Variants in COL22A1 observed in about 807,000 individuals in gnomAD.
COL22A1 encodes the protein collagen alpha-1(XXII) chain.
A neutral mutation model predicts 248.9 loss-of-function variants in COL22A1; 221 were observed. The observed-to-expected ratio is 0.89, with a 90% CI of 0.80 to 0.99. COL22A1 has a LOEUF of 0.99. Among genes scored for constraint, COL22A1 ranks in the 50% least tolerant of loss-of-function variants. The pLI is 0.00. For synonymous variants in COL22A1, 891 were observed against 793.4 expected (o/e 1.12, Z -2.07); for missense variants, 2,240 against 2,179.0 (o/e 1.03, Z -0.56).
chr8:138,765,265 C>A (rs554889591), intron 16 of COL22A1, among the ~76,000 whole-genome samples: 1 of 152,086 alleles, frequency 6.6e-6, no homozygotes, highest in African/African-American at 2.4e-5. Context: ...GAGCAGAGTC[C>A]CTGGAGGGAC....
chr8:138,605,364 C>A (rs973408571), intron 58 of COL22A1, among the ~76,000 whole-genome samples: 1 of 152,208 alleles, frequency 6.6e-6, no homozygotes, highest in Non-Finnish European at 1.5e-5. Flanking sequence ...CTTATCATGA[C>A]TCAGGAGCAA....
chr8:138,878,132 C>T lies in COL22A1; in HGVS notation c.276G>A (p.Leu92=). ...CCTCCTCCTGCGAGCCAAAGAGTCC[C>T]AACTCGAAGGCCGTGGTGGGCCGGT... The part of the protein sequence containing the change: ...YSDRPTTAFE[L]GLFGSQEEVK... Residue 92 remains leucine, a synonymous_variant, in exon 3 of 65, where the codon TTG becomes TTA. Transcript: ENST00000303045. 4 of 1,606,112 alleles carry T rather than the reference C, an allele frequency of 2.5e-6. No homozygotes were observed. The highest frequency in any genetic ancestry group is 2.5e-6 in the Non-Finnish European group (3 of 1,177,054).
At chr8:138,828,321 C>T (rs1215621774) in intron 5 of COL22A1, among the ~76,000 whole-genome samples, 3 of 151,974 alleles carry the variant, frequency 2.0e-5, no homozygotes, top group Admixed American at 6.6e-5. Flanking sequence ...CCTCCCTGGC[C>T]CCCACCCACT....
At chr8:138,698,583 C>T (rs1241922323) in intron 32 of COL22A1, among the ~76,000 whole-genome samples, 2 of 151,874 alleles carry the variant, frequency 1.3e-5, no homozygotes, top group East Asian at 1.9e-4. Context: ...ATGCAGTGAG[C>T]GACAGCCCTA....
intron 62 of COL22A1, among the ~76,000 whole-genome samples, chr8:138,594,959 C>A (rs1206780697): frequency 6.6e-6 from 1 of 152,174 alleles, no homozygotes; most frequent in Non-Finnish European, 1.5e-5. Context: ...ACCCAGAGGT[C>A]CAGTGCTGGT....
intron 32 of COL22A1, 72 bp from the exon 33 acceptor site, chr8:138,694,951 A>G (rs111826535): frequency 6.8e-7 from 1 of 1,466,630 alleles, no homozygotes. Context: ...ACATGTCCCC[A>G]GCTCCGGACA....
intron 2 of COL22A1, among the ~76,000 whole-genome samples, chr8:138,879,674 G>C (rs188527516): frequency 1.9e-3 from 227 of 116,870 alleles, no homozygotes; most frequent in African/African-American, 7.2e-3. Flanking sequence ...CTGGGTGACA[G>C]AGTGAGACAC....
At chr8:138,828,067 T>C (rs182473603) in intron 5 of COL22A1, 47 of 151,914 alleles carry the variant, frequency 3.1e-4, no homozygotes, top group Admixed American at 1.9e-3. Context: ...TCCCCATGTT[T>C]TCCTCGTGAG....
chr8:138,753,791 G>A (rs192858221), intron 21 of COL22A1, among the ~76,000 whole-genome samples: 154 of 152,264 alleles, frequency 1.0e-3, no homozygotes, highest in Non-Finnish European at 1.8e-3. Flanking sequence ...CAAAATCTAG[G>A]TAAAGGGTGA....
chr8:138,782,212 T>C (rs1815076231), intron 12 of COL22A1, among the ~76,000 whole-genome samples: 1 of 152,214 alleles, frequency 6.6e-6, no homozygotes, highest in African/African-American at 2.4e-5. Flanking sequence ...GCTGTAGACC[T>C]TCCTGGCTGT....
chr8:138,702,613 GAA>G (rs35091276), intron 31 of COL22A1, among the ~76,000 whole-genome samples: 1 of 141,636 alleles, frequency 7.1e-6, no homozygotes, highest in African/African-American at 2.6e-5. Context: ...CATTAAAGTG[GAA>G]AAAAAAAAAA....
At chr8:138,700,987 T>TC (rs1827917628) in intron 31 of COL22A1, among the ~76,000 whole-genome samples, 2 of 12,654 alleles carry the variant, frequency 1.6e-4, no homozygotes, top group Admixed American at 1.3e-3. Flanking sequence ...AGACTCCGTC[T>TC]CAAAAAAAAA....
At chr8:138,844,051 A>G (rs1017228233) in intron 4 of COL22A1, 33 bp downstream of exon 4, 1 of 1,595,818 alleles carries the variant, frequency 6.3e-7, no homozygotes, top group African/African-American at 1.3e-5. Flanking sequence ...CATACACCAA[A>G]GCAAGCACAC....
chr8:138,625,850 T>G (rs1002465222), intron 51 of COL22A1, among the ~76,000 whole-genome samples: 1 of 152,066 alleles, frequency 6.6e-6, no homozygotes, highest in Non-Finnish European at 1.5e-5. Context: ...ATTAACACAG[T>G]TATATATATA....
intron 45 of COL22A1, among the ~76,000 whole-genome samples, chr8:138,654,522 C>T (rs1399544819): frequency 3.3e-5 from 5 of 152,022 alleles, no homozygotes; most frequent in Non-Finnish European, 7.4e-5. Context: ...CTGAAATCAC[C>T]CAGTGTCTTT....
At chr8:138,809,516 T>TTTTTAA (rs149420787) in intron 9 of COL22A1, among the ~76,000 whole-genome samples, 1 of 78,782 alleles carries the variant, frequency 1.3e-5, no homozygotes, top group Non-Finnish European at 3.0e-5. Context: ...CTTCTTCTCT[T>TTTTTAA]TTTTTCTTTT....
intron 18 of COL22A1, among the ~76,000 whole-genome samples, chr8:138,758,919 G>A (rs1055161565): frequency 7.9e-5 from 12 of 152,152 alleles, no homozygotes; most frequent in African/African-American, 1.2e-4. Flanking sequence ...ACACATAGGC[G>A]GCAGCAAGAA....
At chr8:138,859,581 CAG>C (rs1383139352) in intron 3 of COL22A1, among the ~76,000 whole-genome samples, 1 of 152,196 alleles carries the variant, frequency 6.6e-6, no homozygotes, top group East Asian at 1.9e-4. Context: ...AGCCACAAAA[CAG>C]AGCTGTCACT....
rs749680447 is a variant in COL22A1 at position 138,796,876 on chromosome 8, G to T, written c.1558-19C>A. 8 of 1,548,622 alleles carry T rather than the reference G, an allele frequency of 5.2e-6. No homozygotes were observed. Among genetic ancestry groups the T allele is most frequent in the African/African-American group, 1.4e-5 (1 of 73,322 alleles). Reference sequence around the variant, plus strand: ...CTATGCCCTAGAAAAATGAAAGAAGGCAAAGATTCACTACAGAGCATCTCC... The same window carrying T: ...CTATGCCCTAGAAAAATGAAAGAAGTCAAAGATTCACTACAGAGCATCTCC... On this transcript the variant is annotated intron_variant, in intron 11 of 64. Coordinates refer to ENST00000303045, the MANE Select transcript of COL22A1 (RefSeq NM_152888.3).
Sources: allele counts gnomAD v4.1 joint callset (sites outside exome capture counted in the v4.1 genomes callset), GRCh38; gene constraint gnomAD v4.1.1; transcripts MANE v1.5; gene names NCBI Gene and HGNC (gene_info 2026-07-23, HGNC 2026-07-21).